COL11A1: variants seen among roughly 807,000 people sequenced by gnomAD.
The protein encoded by COL11A1 is collagen type XI alpha 1 chain, also known as collagen alpha-1(XI) chain.
A neutral mutation model predicts 265.2 loss-of-function variants in COL11A1; 74 were observed. The observed-to-expected ratio is 0.28, with a 90% CI of 0.23 to 0.34. COL11A1 has a LOEUF of 0.34. Among genes scored for constraint, COL11A1 ranks in the 10% least tolerant of loss-of-function variants. The pLI is 1.00. For synonymous variants in COL11A1, 816 were observed against 727.6 expected, an observed-to-expected ratio of 1.12 and a Z score of -1.96; for missense variants, 2,165 against 2,263.6, an observed-to-expected ratio of 0.96 and a Z score of 0.88.
intron 1 of COL11A1, among the ~76,000 whole-genome samples, chr1:103,097,604 C>T (rs909166593): frequency 6.6e-6 from 1 of 151,980 alleles, no homozygotes; most frequent in Admixed American, 6.6e-5. Flanking sequence ...CTCAAGTAGA[C>T]CATAATCACT....
intron 38 of COL11A1, 68 bp downstream of exon 38, chr1:102,965,419 C>T (rs1169619859): frequency 1.5e-6 from 2 of 1,365,904 alleles, no homozygotes; most frequent in Non-Finnish European, 2.1e-6. Context: ...AGATTTTACA[C>T]AACTTAGGAA....
In COL11A1 at chr1:102,886,773, G is replaced by A. The variant is rs374036913; in HGVS notation, c.4858+34C>T. ...ATGCACCTCAGAAACTCAGGGGCTC[G>A]GTACATTTGCTTTGTCATGTATTAT... On this transcript the variant is annotated intron_variant, in intron 63 of 66. Transcript: ENST00000370096. 4.0e-5 allele frequency: 64 copies of A among 1,613,448 alleles called. 1 individual carries two copies. The African/African-American group carries it at 4.0e-4, about 10-fold the overall frequency.
At chr1:103,003,129 G>T in intron 21 of COL11A1, 86 bp downstream of exon 21, 1 of 1,345,834 alleles carries the variant, frequency 7.4e-7, no homozygotes, top group Non-Finnish European at 1.1e-6. Context: ...TAAACTCTTG[G>T]CTCTCTACTG....
At chr1:102,984,442 G>A (rs1381988216) in intron 30 of COL11A1, among the ~76,000 whole-genome samples, 1 of 152,010 alleles carries the variant, frequency 6.6e-6, no homozygotes, top group Non-Finnish European at 1.5e-5. Context: ...GCCTTCTTTA[G>A]GTACATGAAC....
At chr1:103,052,057 C>T (rs1316268492) in intron 4 of COL11A1, among the ~76,000 whole-genome samples, 1 of 152,102 alleles carries the variant, frequency 6.6e-6, no homozygotes, top group African/African-American at 2.4e-5. Context: ...CTCCCATTAC[C>T]TCTCATATCC....
intron 63 of COL11A1, among the ~76,000 whole-genome samples, chr1:102,885,496 A>G (rs1237995890): frequency 1.3e-5 from 2 of 152,260 alleles, no homozygotes; most frequent in East Asian, 1.9e-4. Context: ...TTCTGCTACT[A>G]CTTGTATATA....
In COL11A1 at chr1:102,898,968, C is replaced by G. The variant is rs2100925542; in HGVS notation, c.4113G>C (p.Glu1371Asp). The G allele has an allele frequency of 1.3e-6, 2 of 1,545,502 alleles. No individual in the cohort carries two copies. Among genetic ancestry groups the G allele is most frequent in the Middle Eastern group, 1.8e-4 (1 of 5,700 alleles). ...KRGPPGAAGAEGRQGEKGAKG... is the reference protein window; with the variant it reads ...KRGPPGAAGADGRQGEKGAKG... ...TAGCACCTTTTTCACCTTGTCTTCC[C>G]TCTGCACCTGCAGCTCCAGGAGGAC... The change falls in exon 55 of 67, where the codon GAG becomes GAC. Residue 1371 changes from glutamate to aspartate, a missense_variant. Transcript: ENST00000370096.
chr1:103,033,244 G>T (rs1232579593), intron 4 of COL11A1, among the ~76,000 whole-genome samples: 1 of 151,928 alleles, frequency 6.6e-6, no homozygotes, highest in Non-Finnish European at 1.5e-5. Flanking sequence ...CTGGAAATTT[G>T]AGTTGTTTTT....
intron 53 of COL11A1, among the ~76,000 whole-genome samples, chr1:102,912,955 C>A (rs1257343587): frequency 1.3e-5 from 2 of 152,178 alleles, no homozygotes; most frequent in Admixed American, 1.3e-4. Context: ...AACCTCTTTC[C>A]ATTATAAATT....
At chr1:103,032,218 C>T (rs1053202160) in intron 4 of COL11A1, among the ~76,000 whole-genome samples, 1 of 152,074 alleles carries the variant, frequency 6.6e-6, no homozygotes, top group Non-Finnish European at 1.5e-5. Context: ...AAACTCCCGA[C>T]TCCATATTTA....
chr1:103,050,111 A>G (rs4013869), intron 4 of COL11A1, among the ~76,000 whole-genome samples: 142,517 of 152,186 alleles, frequency 0.94, 66,963 homozygotes, highest in East Asian at 1. Context: ...TATCTTTGTG[A>G]GGTTCTCTGT....
At chr1:103,005,921 T>C (rs769390010) in intron 17 of COL11A1, 30 bp from the exon 18 acceptor site, 4 of 1,613,498 alleles carry the variant, frequency 2.5e-6, no homozygotes, top group South Asian at 1.1e-5. Flanking sequence ...ATCATCATCA[T>C]CATCATCATC....
chr1:102,944,456 A>G (rs948507097), intron 42 of COL11A1, among the ~76,000 whole-genome samples: 1 of 152,142 alleles, frequency 6.6e-6, no homozygotes, highest in Non-Finnish European at 1.5e-5. Flanking sequence ...AAATGGAATG[A>G]GCATGCTGGA....
chr1:102,933,359 T>G (rs1308872558), intron 46 of COL11A1, among the ~76,000 whole-genome samples: 3 of 143,282 alleles, frequency 2.1e-5, no homozygotes, highest in Non-Finnish European at 4.6e-5. Flanking sequence ...CCGTGTGAGG[T>G]GTCAGTGTGC....
chr1:102,920,640 C>A (rs1421610883), intron 48 of COL11A1, among the ~76,000 whole-genome samples: 1 of 152,154 alleles, frequency 6.6e-6, no homozygotes, highest in Non-Finnish European at 1.5e-5. Flanking sequence ...ATTTCAATCT[C>A]TTTGCCAATA....
At chr1:102,965,395 A>T in intron 38 of COL11A1, 92 bp downstream of exon 38, 1 of 1,176,736 alleles carries the variant, frequency 8.5e-7, no homozygotes, top group Admixed American at 1.8e-5. Flanking sequence ...ATTTTGAATC[A>T]TAATAAATTT....
intron 4 of COL11A1, among the ~76,000 whole-genome samples, chr1:103,057,293 C>G (rs1670320333): frequency 1.3e-5 from 2 of 152,104 alleles, no homozygotes; most frequent in African/African-American, 4.8e-5. Flanking sequence ...AGAAGCAACT[C>G]ATCTGTTCAA....
At chr1:102,929,477 C>A (rs1271355985) in intron 46 of COL11A1, among the ~76,000 whole-genome samples, 1 of 152,016 alleles carries the variant, frequency 6.6e-6, no homozygotes, top group Non-Finnish European at 1.5e-5. Context: ...CAGTACCATG[C>A]TGTTTTGGTT....
Position 103,009,609 on chromosome 1 carries a change from T to C in COL11A1, c.1630-1093A>G, listed in dbSNP as rs534386283. 1.5e-3 allele frequency among the ~76,000 whole-genome samples: 224 copies of C among 152,308 alleles called. 1 individual carries two copies. Among genetic ancestry groups the C allele is most frequent in the African/African-American group, 5.1e-3 (210 of 41,566 alleles). On this transcript the variant is annotated intron_variant, in intron 14 of 66. Transcript: ENST00000370096. ...AAACATGGTGATTATAGTTACTTCA[T>C]GCTGAAATACTGTGTGTTCTAAAAG...
Sources: gnomAD v4.1 joint callset for allele counts (sites outside exome capture counted in the v4.1 genomes callset) on GRCh38, gnomAD v4.1.1 for gene constraint, MANE v1.5 for transcripts, NCBI Gene and HGNC (gene_info 2026-07-23, HGNC 2026-07-21) for gene names.